Variants in FAM118B observed in about 807,000 individuals in gnomAD.
FAM118B encodes protein FAM118B.
Under a neutral mutation model 38.5 loss-of-function variants are expected in FAM118B, and 24 were observed. The ratio of observed to expected loss-of-function variants is 0.62; its 90% confidence interval spans 0.45 to 0.88. FAM118B has a LOEUF of 0.88. FAM118B is among the 40% of genes least tolerant of loss of function. The probability of loss-of-function intolerance (pLI) is 0.00; values close to 1 mark genes in which losing one functional copy is unlikely to be tolerated. For synonymous variants in FAM118B, 138 were observed against 156.3 expected (o/e 0.88, Z 0.87); for missense variants, 334 against 420.0 (o/e 0.80, Z 1.79).
At chr11:126,214,488 C>CTTT (rs1565322268) in intron 1 of FAM118B, 6 of 34,850 alleles carry the variant, frequency 1.7e-4, no homozygotes, top group East Asian at 9.1e-4. Flanking sequence ...TCTTTTGTTT[C>CTTT]TGTTTTTTTT....
At chr11:126,240,258 T>C (rs1348937979) in intron 3 of FAM118B, among the ~76,000 whole-genome samples, 2 of 151,942 alleles carry the variant, frequency 1.3e-5, no homozygotes, top group Non-Finnish European at 2.9e-5. Flanking sequence ...CAGAATTCTA[T>C]TGGCCACTTT....
At position 126,211,791 on chromosome 11, in the gene FAM118B, G is replaced by C; in HGVS notation, c.-116G>C. On this transcript the variant is annotated 5_prime_UTR_variant, in exon 1 of 9. Transcript: ENST00000533050. Reference sequence around the variant, plus strand: ...CGCGCTCAGTGCGGCTGCGCCGGCCGGTAGCTGCAGCTGGAGCAGTGGCGT... The same window carrying C: ...CGCGCTCAGTGCGGCTGCGCCGGCCCGTAGCTGCAGCTGGAGCAGTGGCGT... 4 of 781,360 alleles carry C rather than the reference G, an allele frequency of 5.1e-6. No individual in the cohort carries two copies. Among genetic ancestry groups the C allele is most frequent in the African/African-American group, 1.7e-5 (1 of 57,400 alleles). 48.4% of individuals were successfully genotyped at this position (781,360 alleles called of 1,614,324 possible). A position where few individuals can be genotyped will look rare whatever the true frequency, so the allele number is the denominator to read the frequency against.
Position 126,256,918 on chromosome 11 carries a change from T to G in FAM118B, c.982+66T>G, listed in dbSNP as rs574681246. 2.0e-6 allele frequency: 3 copies of G among 1,480,002 alleles called. No individual in the cohort carries two copies. Among genetic ancestry groups the G allele is most frequent in the Non-Finnish European group, 2.7e-6 (3 of 1,094,012 alleles). The allele number at this position is 1,480,002 out of a possible 1,614,324, so 91.7% of individuals were successfully genotyped here. On this transcript the variant is annotated intron_variant, in intron 7 of 8. Coordinates refer to ENST00000533050, the MANE Select transcript of FAM118B (RefSeq NM_024556.4). This position sits in a 1 kb window ranked among gnomAD's most constrained non-coding sequence, Gnocchi z 6.6. ...AGCTCTTCAGCCTTTTGTGTATTTGTGATGTGATGGGCAAAATAGTTGCCA... is the reference window on the plus strand; with the variant it reads ...AGCTCTTCAGCCTTTTGTGTATTTGGGATGTGATGGGCAAAATAGTTGCCA...
At chr11:126,231,032 C>T (rs1950200765) in intron 2 of FAM118B, among the ~76,000 whole-genome samples, 1 of 152,218 alleles carries the variant, frequency 6.6e-6, no homozygotes, top group South Asian at 2.1e-4. Flanking sequence ...AGAAGCATTA[C>T]ATTTCCTGCC....
intron 1 of FAM118B, among the ~76,000 whole-genome samples, chr11:126,225,605 G>A (rs1950130047): frequency 6.6e-6 from 1 of 152,162 alleles, no homozygotes; most frequent in South Asian, 2.1e-4. Flanking sequence ...TTAAGCTTCA[G>A]ATTGATTCCC....
intron 4 of FAM118B, among the ~76,000 whole-genome samples, chr11:126,243,116 G>A (rs1332876806): frequency 1.3e-5 from 2 of 152,164 alleles, no homozygotes; most frequent in Non-Finnish European, 2.9e-5. Flanking sequence ...GACATATATT[G>A]TATGATTCCA....
chr11:126,260,143 C>A (rs1005313831), intron 7 of FAM118B, among the ~76,000 whole-genome samples: 73 of 152,230 alleles, frequency 4.8e-4, no homozygotes, highest in African/African-American at 1.7e-3. Context: ...GGCGATCCTC[C>A]CACCTCAGCC....
chr11:126,241,166 G>A, intron 4 of FAM118B, 122 bp downstream of exon 4: 1 of 1,097,940 alleles, frequency 9.1e-7, no homozygotes, highest in Non-Finnish European at 1.3e-6. Flanking sequence ...TTTACAGCTT[G>A]TAGGTTTCCA....
chr11:126,253,935 C>T lies in FAM118B; in HGVS notation c.568-370C>T, dbSNP rs528247776. ...CCATGTGGTTAGCCTGGAGTCACTC[C>T]GAAGAGGGGCCACACAAGGGCCTGG... On this transcript the variant is annotated intron_variant, in intron 5 of 8. Coordinates refer to ENST00000533050, the MANE Select transcript of FAM118B (RefSeq NM_024556.4). The surrounding 1 kb of genome is among the most constrained non-coding windows in gnomAD (Gnocchi z 5.1). 6.6e-4 allele frequency among the ~76,000 whole-genome samples: 100 copies of T among 152,254 alleles called. No individual in the cohort carries two copies. The highest frequency in any genetic ancestry group is 2.3e-3 in the African/African-American group (94 of 41,542).
intron 1 of FAM118B, among the ~76,000 whole-genome samples, chr11:126,223,283 T>G (rs747355943): frequency 2.6e-5 from 4 of 152,182 alleles, no homozygotes; most frequent in Non-Finnish European, 5.9e-5. Context: ...CAAACATGAC[T>G]TAACCCAATT....
At chr11:126,246,591 G>T (rs1416652614) in intron 4 of FAM118B, among the ~76,000 whole-genome samples, 2 of 152,254 alleles carry the variant, frequency 1.3e-5, no homozygotes, top group Admixed American at 6.5e-5. Context: ...GGAGGCGGTG[G>T]GGGAACAGGT....
chr11:126,233,473 A>G (rs675412), intron 2 of FAM118B: 217,070 of 266,324 alleles, frequency 0.82, 89,125 homozygotes, highest in East Asian at 1. Context: ...CAACAAGAGC[A>G]AAACTCTGTC....
At chr11:126,257,159 C>T (rs938134189) in intron 7 of FAM118B, among the ~76,000 whole-genome samples, 8 of 152,192 alleles carry the variant, frequency 5.3e-5, no homozygotes, top group Non-Finnish European at 1.2e-4. Flanking sequence ...AGAAAGATCA[C>T]CCAATTTTGG....
chr11:126,247,885 A>C (rs1167021135), intron 4 of FAM118B, among the ~76,000 whole-genome samples: 2 of 146,204 alleles, frequency 1.4e-5, no homozygotes, highest in South Asian at 2.1e-4. Flanking sequence ...ATATATCTAT[A>C]TATATATATA....
chr11:126,237,616 C>T (rs1282652758), intron 3 of FAM118B, among the ~76,000 whole-genome samples: 7 of 133,624 alleles, frequency 5.2e-5, no homozygotes, highest in Non-Finnish European at 4.7e-5. Flanking sequence ...GTGGGCAGAT[C>T]GTGAGGTCAG....
intron 4 of FAM118B, among the ~76,000 whole-genome samples, chr11:126,249,190 C>T (rs2135195475): frequency 6.6e-6 from 1 of 151,894 alleles, no homozygotes; most frequent in East Asian, 2.0e-4. Context: ...ACCTGGACAA[C>T]ATAGCCAGAC....
intron 7 of FAM118B, chr11:126,260,640 T>C (rs1471964895): frequency 2.6e-5 from 4 of 152,248 alleles, no homozygotes; most frequent in Non-Finnish European, 4.4e-5. Context: ...GTTCTCACTG[T>C]AATCAGGTCA....
chr11:126,240,916 G>C lies in FAM118B; in HGVS notation c.211G>C (p.Ala71Pro), dbSNP rs755219950. The C allele has an allele frequency of 6.2e-7, 1 of 1,614,198 alleles. No individual in the cohort carries two copies. Among genetic ancestry groups the C allele is most frequent in the Non-Finnish European group, 8.5e-7 (1 of 1,180,042 alleles). ...CAAATCCTGGAAGGGGTTAATTCAG[G>C]CCTTACTGGATGCTGCCATTGATTT... The part of the protein sequence containing the change: ...ALKSWKGLIQ[A>P]LLDAAIDFDL... The change falls in exon 4 of 9, where the codon GCC becomes CCC. Residue 71 changes from alanine to proline, a missense_variant. By Grantham distance (27) the Ala-to-Pro change is conservative. Around this residue, in one of 3 missense-constraint regions of FAM118B, gnomAD observed 240 missense variants for 295.9 expected, o/e 0.81. Coordinates refer to ENST00000533050, the MANE Select transcript of FAM118B (RefSeq NM_024556.4).
intron 1 of FAM118B, among the ~76,000 whole-genome samples, chr11:126,224,951 A>AT (rs1356466428): frequency 1.3e-5 from 2 of 152,256 alleles, no homozygotes; most frequent in Non-Finnish European, 2.9e-5. Flanking sequence ...CTTAACTCAA[A>AT]TTAGGTAATT....
Sources: allele counts gnomAD v4.1 joint callset (sites outside exome capture counted in the v4.1 genomes callset), GRCh38; gene constraint gnomAD v4.1.1; regional missense constraint gnomAD v4.1.1; non-coding constraint Gnocchi (gnomAD v3.1); transcripts MANE v1.5; gene names NCBI Gene and HGNC (gene_info 2026-07-23, HGNC 2026-07-21).